SGK1: variants seen among roughly 807,000 people sequenced by gnomAD.
SGK1 encodes the protein serum/glucocorticoid regulated kinase 1, also known as serine/threonine-protein kinase Sgk1.
SGK1 carries 26 observed loss-of-function variants against 64.2 expected under a neutral mutation model. That is an observed-to-expected ratio of 0.40 (90% CI 0.30 to 0.56). The LOEUF (loss-of-function observed/expected upper bound fraction) is 0.56. SGK1 is among the 20% of genes least tolerant of loss of function. The pLI is 0.38. For missense variants in SGK1, 519 were observed against 645.6 expected (o/e 0.80, Z 2.12); for synonymous variants, 265 against 239.7 (o/e 1.11, Z -0.98).
intron 3 of SGK1, among the ~76,000 whole-genome samples, chr6:134,205,195 A>T (rs1168214904): frequency 2.0e-5 from 3 of 152,118 alleles, no homozygotes; most frequent in African/African-American, 7.2e-5. Context: ...GTAATGTTTC[A>T]TTCTACATTG....
At chr6:134,285,496 AG>A (rs889513344) in intron 1 of SGK1, among the ~76,000 whole-genome samples, 2 of 147,266 alleles carry the variant, frequency 1.4e-5, no homozygotes, top group Non-Finnish European at 3.0e-5. Flanking sequence ...AAAAAAAAAA[AG>A]GTGGTCCCTT....
intron 1 of SGK1, among the ~76,000 whole-genome samples, chr6:134,302,262 A>G (rs1398031211): frequency 2.0e-5 from 3 of 152,216 alleles, no homozygotes; most frequent in African/African-American, 7.2e-5. Flanking sequence ...TGCCTTGTGC[A>G]TATGTAACTA....
At chr6:134,184,635 G>A (rs1481730788) in intron 3 of SGK1, among the ~76,000 whole-genome samples, 2 of 151,796 alleles carry the variant, frequency 1.3e-5, no homozygotes, top group African/African-American at 2.4e-5. Flanking sequence ...CTTTTTCTGG[G>A]TTTATTGTTG....
intron 1 of SGK1, among the ~76,000 whole-genome samples, chr6:134,283,505 C>G (rs1027837348): frequency 8.6e-5 from 13 of 151,112 alleles, no homozygotes; most frequent in Non-Finnish European, 1.8e-4. Flanking sequence ...AAAAAACAAA[C>G]ATAAATACAT....
intron 1 of SGK1, among the ~76,000 whole-genome samples, chr6:134,313,896 A>G (rs1230375908): frequency 2.0e-5 from 3 of 152,234 alleles, no homozygotes; most frequent in Non-Finnish European, 4.4e-5. Context: ...CTTTAAATCC[A>G]TGAAAATGGA....
intron 2 of SGK1, among the ~76,000 whole-genome samples, chr6:134,255,545 TCAAAAA>T (rs1256419888): frequency 6.7e-6 from 1 of 149,086 alleles, no homozygotes; most frequent in Non-Finnish European, 1.5e-5. Context: ...AGACTCTGTC[TCAAAAA>T]CAAACAAAGG....
At chr6:134,269,055 T>C (rs1213713022) in intron 1 of SGK1, among the ~76,000 whole-genome samples, 5 of 147,414 alleles carry the variant, frequency 3.4e-5, no homozygotes, top group Non-Finnish European at 7.5e-5. Context: ...TGTGGTTTTT[T>C]CCTATTATCT....
intron 1 of SGK1, among the ~76,000 whole-genome samples, chr6:134,278,618 T>TC (rs1463573280): frequency 6.6e-6 from 1 of 152,308 alleles, no homozygotes; most frequent in South Asian, 2.1e-4. Flanking sequence ...TATTTTTTTT[T>TC]CTCACTTCAT....
At chr6:134,185,728 G>A (rs1432292803) in intron 3 of SGK1, among the ~76,000 whole-genome samples, 1 of 152,114 alleles carries the variant, frequency 6.6e-6, no homozygotes. Flanking sequence ...AAATCCCATG[G>A]CAGGCTGTCT....
At chr6:134,185,790 G>T (rs1216145534) in intron 3 of SGK1, among the ~76,000 whole-genome samples, 1 of 152,150 alleles carries the variant, frequency 6.6e-6, no homozygotes, top group Non-Finnish European at 1.5e-5. Context: ...CAAATCTGAA[G>T]AACTGAGAAT....
At chr6:134,174,104 T>A (rs1775129229) in intron 4 of SGK1, 24 bp from the exon 5 acceptor site, 2 of 1,590,024 alleles carry the variant, frequency 1.3e-6, no homozygotes, top group Non-Finnish European at 1.7e-6. Flanking sequence ...AGGGCACGAT[T>A]TAGAATCCAG....
In SGK1 at chr6:134,171,007, G is replaced by A. The variant is rs1425725102; in HGVS notation, c.1323+16C>T. On this transcript the variant is annotated intron_variant, in intron 12 of 13. Coordinates refer to ENST00000367858, the MANE Select transcript of SGK1 (RefSeq NM_001143676.3). ...ACGTCCCGGCCGGCCCAGGAGGACAGGAAAACATCACTCACGAAGTCATCC... is the reference window on the plus strand; with the variant it reads ...ACGTCCCGGCCGGCCCAGGAGGACAAGAAAACATCACTCACGAAGTCATCC... 6.2e-7 allele frequency: 1 copy of A among 1,613,762 alleles called. No homozygotes were observed. Among genetic ancestry groups the A allele is most frequent in the Non-Finnish European group, 8.5e-7 (1 of 1,179,876 alleles).
chr6:134,293,812 C>T (rs1201082198), intron 1 of SGK1, among the ~76,000 whole-genome samples: 1 of 152,086 alleles, frequency 6.6e-6, no homozygotes, highest in African/African-American at 2.4e-5. Flanking sequence ...TGACGCATGG[C>T]AGAAAAGTGC....
At chr6:134,213,742 T>C (rs1438999573) in intron 2 of SGK1, among the ~76,000 whole-genome samples, 1 of 152,112 alleles carries the variant, frequency 6.6e-6, no homozygotes, top group Non-Finnish European at 1.5e-5. Context: ...CCTGGCTGAA[T>C]CCACATGGGC....
chr6:134,183,077 G>A (rs937964125), intron 3 of SGK1, among the ~76,000 whole-genome samples: 1 of 152,158 alleles, frequency 6.6e-6, no homozygotes, highest in East Asian at 1.9e-4. Flanking sequence ...TTATCCTGCA[G>A]GAATGAGAAG....
chr6:134,204,264 A>ATAAT lies in SGK1; in HGVS notation c.361+3088_361+3091dup, dbSNP rs1332538798. On this transcript the variant is annotated intron_variant, in intron 3 of 13. Coordinates refer to ENST00000367858, the MANE Select transcript of SGK1 (RefSeq NM_001143676.3). ...AATAAATAAATAAATAAATAAATAA[A>ATAAT]TAATTACTCTAGACATAGATCCTAC... Among the ~76,000 whole-genome samples, 853 of 127,716 alleles carry ATAAT rather than the reference A, an allele frequency of 6.7e-3. 8 individuals are homozygous for ATAAT. The highest frequency in any genetic ancestry group is 0.023 in the African/African-American group (821 of 35,438). 83.8% of individuals were successfully genotyped at this position (127,716 alleles called of 152,430 possible).
chr6:134,299,198 A>T (rs1234341033), intron 1 of SGK1, among the ~76,000 whole-genome samples: 1 of 134,732 alleles, frequency 7.4e-6, no homozygotes, highest in Non-Finnish European at 1.6e-5. Flanking sequence ...TTACAAAAAA[A>T]TTACAAAAAA....
At position 134,317,573 on chromosome 6, in the gene SGK1, T is replaced by A. The variant is rs1777705972; in HGVS notation, c.-113A>T. ...GACAGTTAATGAAGACTGAGCGGGA[T>A]GGAGAATCTAGCGGGGCTCAGTTCT... On this transcript the variant is annotated 5_prime_UTR_variant, in exon 1 of 14. Coordinates refer to ENST00000367858, the MANE Select transcript of SGK1 (RefSeq NM_001143676.3). The A allele has an allele frequency of 3.9e-6, 3 of 760,060 alleles. No homozygotes were observed. The highest frequency in any genetic ancestry group is 2.9e-5 in the South Asian group (2 of 69,680). The allele number at this position is 760,060 out of a possible 1,614,324, so 47.1% of individuals were successfully genotyped here. A position where few individuals can be genotyped will look rare whatever the true frequency, so the allele number is the denominator to read the frequency against.
At chr6:134,233,808 T>C (rs1268667577) in intron 2 of SGK1, among the ~76,000 whole-genome samples, 2 of 151,676 alleles carry the variant, frequency 1.3e-5, no homozygotes, top group African/African-American at 4.8e-5. Flanking sequence ...AGATTCTGAT[T>C]CTTTTTTTTT....
Sources: gnomAD v4.1 joint callset for allele counts (sites outside exome capture counted in the v4.1 genomes callset) on GRCh38, gnomAD v4.1.1 for gene constraint, MANE v1.5 for transcripts, NCBI Gene and HGNC (gene_info 2026-07-23, HGNC 2026-07-21) for gene names.